Variants in TWNK observed in about 807,000 individuals in gnomAD.
TWNK encodes twinkle mtDNA helicase, also known as T7 gp4-like protein with intramitochondrial nucleoid localization.
Under a neutral mutation model 58.2 loss-of-function variants are expected in TWNK, and 36 were observed. The ratio of observed to expected loss-of-function variants is 0.62; its 90% CI spans 0.47 to 0.82. The LOEUF (loss-of-function observed/expected upper bound fraction) is 0.82. Ranked by LOEUF, TWNK falls within the 40% of genes least tolerant of loss-of-function variation. TWNK has a pLI of 0.00. For missense variants in TWNK, 714 were observed against 881.0 expected, an observed-to-expected ratio of 0.81 and a Z score of 2.40; for synonymous variants, 349 against 348.5, an observed-to-expected ratio of 1.00 and a Z score of -0.02.
Position 100,991,137 on chromosome 10 carries a change from G to C in TWNK, c.1734+127G>C, listed in dbSNP as rs905758131. ...AACAGGCAGGAGGCAATGCCTCTGGGGCCATGACATGAGGAATATATGTGC... is the reference window on the plus strand; with the variant it reads ...AACAGGCAGGAGGCAATGCCTCTGGCGCCATGACATGAGGAATATATGTGC... On this transcript the variant is annotated intron_variant, in intron 4 of 4. Transcript: ENST00000311916. 35 of 1,378,330 alleles carry C rather than the reference G, an allele frequency of 2.5e-5. No individual in the cohort carries two copies. In the Admixed American group the frequency reaches 6.8e-4, roughly 27 times the overall value. The allele number at this position is 1,378,330 out of a possible 1,614,324, so 85.4% of individuals were successfully genotyped here.
chr10:100,989,725 G>A lies in TWNK; in HGVS notation c.1325G>A (p.Gly442Asp). 6.2e-7 allele frequency: 1 copy of A among 1,614,198 alleles called. No homozygotes were observed. The highest frequency in any genetic ancestry group is 8.5e-7 in the Non-Finnish European group (1 of 1,180,038). Residue 442 changes from glycine to aspartate, a missense_variant, in exon 2 of 5, where the codon GGT becomes GAT. This residue lies in a region of TWNK where 302 missense variants were observed against 438.6 expected (regional missense o/e 0.69). Transcript: ENST00000311916. The surrounding 1 kb of genome is among the most constrained non-coding windows in gnomAD (Gnocchi z 7.6). Reference sequence around the variant, plus strand: ...TCCCAGGGGGTGAACACACTGTGGGGTAGCTTCGAGATCAGCAATGTGAGA... The same window carrying A: ...TCCCAGGGGGTGAACACACTGTGGGATAGCTTCGAGATCAGCAATGTGAGA... Reference protein sequence around the residue: ...LCSQGVNTLWGSFEISNVRLA... With the variant: ...LCSQGVNTLWDSFEISNVRLA...
chr10:100,993,079 C>G, intron 4 of TWNK, 111 bp from the exon 5 acceptor site: 1 of 1,167,228 alleles, frequency 8.6e-7, no homozygotes, highest in Non-Finnish European at 1.3e-6. Context: ...AGCCATTGTA[C>G]CCAGCCCCTC....
rs1202292107 is a variant in TWNK at position 100,989,848 on chromosome 10, T to A, written c.1448T>A (p.Leu483His). The change falls in exon 2 of 5, where the codon CTC becomes CAC. Residue 483 changes from leucine (L) to histidine (H), a missense_variant. Physicochemically the swap from Leu to His is moderately conservative, Grantham distance 99. Transcript: ENST00000311916. The surrounding 1 kb of genome is among the most constrained non-coding windows in gnomAD (Gnocchi z 7.6). ...HWADRFEDLP[L>H]YFMTFHGQQS... is the part of the protein sequence containing the mutation. Reference sequence around the variant, plus strand: ...GCTGACCGCTTTGAGGACCTGCCCCTCTATTTCATGACTTTCCATGGACAG... The same window carrying A: ...GCTGACCGCTTTGAGGACCTGCCCCACTATTTCATGACTTTCCATGGACAG... 3 of 1,614,190 alleles carry A rather than the reference T, an allele frequency of 1.9e-6. No homozygotes were observed. The highest frequency in any genetic ancestry group is 2.5e-6 in the Non-Finnish European group (3 of 1,180,028).
At chr10:100,991,703 C>A (rs1394540947) in intron 4 of TWNK, among the ~76,000 whole-genome samples, 1 of 152,040 alleles carries the variant, frequency 6.6e-6, no homozygotes, top group South Asian at 2.1e-4. Flanking sequence ...GTAGTGAGAC[C>A]CTGTCTCTAC....
chr10:100,992,822 T>C (rs964701826), intron 4 of TWNK, among the ~76,000 whole-genome samples: 5 of 152,034 alleles, frequency 3.3e-5, no homozygotes, highest in African/African-American at 1.2e-4. Flanking sequence ...AGTCTCGCTC[T>C]GTTGCCCAGG....
intron 4 of TWNK, among the ~76,000 whole-genome samples, chr10:100,991,900 G>A (rs1376891303): frequency 1.3e-5 from 2 of 151,148 alleles, no homozygotes; most frequent in Admixed American, 6.6e-5. Context: ...GGCACCTGTA[G>A]TCCCAGCTAC....
chr10:100,987,968 G>A lies in TWNK; in HGVS notation c.-243G>A, dbSNP rs924905255. On this transcript the variant is annotated 5_prime_UTR_variant, in exon 1 of 5. Transcript: ENST00000311916. ...GGTGGCGGAGAGAAACTAACTAACG[G>A]ACCATAGAGGTGGGGGAGCCATTGT... The A allele has an allele frequency of 1.6e-6, 1 of 631,982 alleles. No homozygotes were observed. Among genetic ancestry groups the A allele is most frequent in the Non-Finnish European group, 2.8e-6 (1 of 351,876 alleles). The allele number at this position is 631,982 out of a possible 1,614,324, so 39.1% of individuals were successfully genotyped here.
chr10:100,992,931 T>C (rs1240877908), intron 4 of TWNK, among the ~76,000 whole-genome samples: 15 of 152,034 alleles, frequency 9.9e-5, no homozygotes, highest in Admixed American at 9.8e-4. Flanking sequence ...GGACTATAGG[T>C]GCATGCCACC....
chr10:100,990,393 T>C (rs1851734995), intron 2 of TWNK, 43 bp from the exon 3 acceptor site: 1 of 1,452,602 alleles, frequency 6.9e-7, no homozygotes, highest in Non-Finnish European at 9.7e-7. Context: ...CCTGGGGTGG[T>C]CTAGAGACAA....
chr10:100,989,316 C>G lies in TWNK; in HGVS notation c.1106C>G (p.Ser369Cys), dbSNP rs111033579. ...CCTGCCTGGCACAAGTCCATCGTATCTTTCCGGCAGCTTCGGGAGGAGGTG... is the reference window on the plus strand; with the variant it reads ...CCTGCCTGGCACAAGTCCATCGTATGTTTCCGGCAGCTTCGGGAGGAGGTG... ...ALPAWHKSIVSFRQLREEVLG... is the reference protein window; with the variant it reads ...ALPAWHKSIVCFRQLREEVLG... Residue 369 changes from serine to cysteine, a missense_variant, in exon 1 of 5, where the codon TCT becomes TGT. By Grantham distance (112) the Ser-to-Cys change is moderately radical. This residue lies in a region of TWNK where 302 missense variants were observed against 438.6 expected (regional missense o/e 0.69). Coordinates refer to ENST00000311916, the MANE Select transcript of TWNK (RefSeq NM_021830.5). The surrounding 1 kb of genome is among the most constrained non-coding windows in gnomAD (Gnocchi z 7.6). 1 of 1,614,190 alleles carries G rather than the reference C, an allele frequency of 6.2e-7. No individual in the cohort carries two copies. Among genetic ancestry groups the G allele is most frequent in the South Asian group, 1.1e-5 (1 of 91,080 alleles).
chr10:100,992,375 G>A (rs762210445), intron 4 of TWNK, among the ~76,000 whole-genome samples: 1 of 149,440 alleles, frequency 6.7e-6, no homozygotes, highest in East Asian at 2.0e-4. Context: ...CACCACACCC[G>A]CCTAATTTTT....
Position 100,987,574 on chromosome 10 carries a change from G to A in TWNK, c.-637G>A, listed in dbSNP as rs1851599933. Reference sequence around the variant, plus strand: ...GAGGTCAAGGCGAGTAGCATGTGCGGGAGACTCACGTTGCCGGCGAAGTGG... The same window carrying A: ...GAGGTCAAGGCGAGTAGCATGTGCGAGAGACTCACGTTGCCGGCGAAGTGG... On this transcript the variant is annotated 5_prime_UTR_variant, in exon 1 of 5. Transcript: ENST00000311916. The A allele has an allele frequency of 2.2e-6, 3 of 1,347,828 alleles. No homozygotes were observed. In the Admixed American group the frequency reaches 8.1e-5, roughly 37 times the overall value. 83.5% of individuals were successfully genotyped at this position (1,347,828 alleles called of 1,614,324 possible).
At position 100,988,285 on chromosome 10, in the gene TWNK, G is replaced by A. The variant is rs140229023; in HGVS notation, c.75G>A (p.Arg25=). The change falls in exon 1 of 5, where the codon AGG becomes AGA. Residue 25 remains arginine (R), a synonymous_variant. Transcript: ENST00000311916. The surrounding 1 kb of genome is among the most constrained non-coding windows in gnomAD (Gnocchi z 5.2). The part of the protein sequence containing the change: ...LPLRGEWMGR[R]GLPRNLAPGP... ...TGCGTGGGGAGTGGATGGGTCGGAG[G>A]GGCCTGCCCCGAAACTTGGCCCCAG... 56 of 1,614,020 alleles carry A rather than the reference G, an allele frequency of 3.5e-5. 1 individual carries two copies. The highest frequency in any genetic ancestry group is 2.7e-4 in the East Asian group (12 of 44,892).
Position 100,988,121 on chromosome 10 carries a change from G to C in TWNK, c.-90G>C. 4 of 1,402,632 alleles carry C rather than the reference G, an allele frequency of 2.9e-6. No homozygotes were observed. Among genetic ancestry groups the C allele is most frequent in the Non-Finnish European group, 4.0e-6 (4 of 989,946 alleles). 86.9% of individuals were successfully genotyped at this position (1,402,632 alleles called of 1,614,324 possible). ...TAGAGTGAGCTCTGCAGAGTGCTGC[G>C]TGGGATATCCCTAGAGTTTGGTCTA... On this transcript the variant is annotated 5_prime_UTR_variant, in exon 1 of 5. Coordinates refer to ENST00000311916, the MANE Select transcript of TWNK (RefSeq NM_021830.5). This position sits in a 1 kb window ranked among gnomAD's most constrained non-coding sequence, Gnocchi z 5.2.
At position 100,993,470 on chromosome 10, in the gene TWNK, C is replaced by G. The variant is rs199583659; in HGVS notation, c.2015C>G (p.Pro672Arg). Reference sequence around the variant, plus strand: ...TCTGAGATTTGCTCAGGCCAGGCCCCCACTCCCGACCAGCCAGACACCTCC... The same window carrying G: ...TCTGAGATTTGCTCAGGCCAGGCCCGCACTCCCGACCAGCCAGACACCTCC... The part of the protein sequence containing the change: ...QNSEICSGQA[P>R]TPDQPDTSKR... The change falls in exon 5 of 5, where the codon CCC (proline) becomes CGC (arginine). Residue 672 changes from proline (P) to arginine (R), a missense_variant. Transcript: ENST00000311916. 303 of 1,614,072 alleles carry G rather than the reference C, an allele frequency of 1.9e-4. No individual in the cohort carries two copies. Among genetic ancestry groups the G allele is most frequent in the Non-Finnish European group, 2.3e-4 (271 of 1,180,048 alleles).
chr10:100,991,318 T>A (rs763981284), intron 4 of TWNK: 2 of 435,710 alleles, frequency 4.6e-6, no homozygotes, highest in Non-Finnish European at 8.4e-6. Context: ...AGAAAAGATG[T>A]CTGAGTCAGC....
At position 100,993,187 on chromosome 10, in the gene TWNK, C is replaced by T. The variant is rs1564811378; in HGVS notation, c.1735-3C>T. The T allele has an allele frequency of 6.2e-7, 1 of 1,614,138 alleles. No individual in the cohort carries two copies. On this transcript the variant is annotated splice_polypyrimidine_tract_variant and splice_region_variant and intron_variant, in intron 4 of 4. Coordinates refer to ENST00000311916, the MANE Select transcript of TWNK (RefSeq NM_021830.5). ...TTTCCTCCTTCTGCCCCCTGTTCCC[C>T]AGGCAAGCCAGGAAGCAGACAATGT...
chr10:100,987,804 G>A lies in TWNK; in HGVS notation c.-407G>A. 1.7e-6 allele frequency: 1 copy of A among 588,112 alleles called. No homozygotes were observed. Among genetic ancestry groups the A allele is most frequent in the South Asian group, 2.1e-5 (1 of 46,714 alleles). The allele number at this position is 588,112 out of a possible 1,614,324, so 36.4% of individuals were successfully genotyped here. On this transcript the variant is annotated 5_prime_UTR_variant, in exon 1 of 5. Transcript: ENST00000311916. ...AGAGGGTCTCTAGTCGGGGCCTAGG[G>A]CAAAGGGACTACAAAAAGGATGCAG... is the stretch of plus-strand genomic sequence containing the variant.
At position 100,990,512 on chromosome 10, in the gene TWNK, A is replaced by T. The variant is rs1313100282; in HGVS notation, c.1561A>T (p.Met521Leu). 1 of 1,614,216 alleles carries T rather than the reference A, an allele frequency of 6.2e-7. No homozygotes were observed. Among genetic ancestry groups the T allele is most frequent in the Non-Finnish European group, 8.5e-7 (1 of 1,180,026 alleles). The change falls in exon 3 of 5, where the codon ATG becomes TTG. Residue 521 changes from methionine (M) to leucine (L), a missense_variant. Physicochemically the swap from Met to Leu is conservative, Grantham distance 15 (BLOSUM62 2). Transcript: ENST00000311916. Reference sequence around the variant, plus strand: ...TGTGATCATCGACAACCTGCAGTTCATGATGGGTCACGAGCAGCTGTCCAC... The same window carrying T: ...TGTGATCATCGACAACCTGCAGTTCTTGATGGGTCACGAGCAGCTGTCCAC... ...CHVIIDNLQF[M>L]MGHEQLSTDR...
Sources: allele counts gnomAD v4.1 joint callset (sites outside exome capture counted in the v4.1 genomes callset), GRCh38; gene constraint gnomAD v4.1.1; regional missense constraint gnomAD v4.1.1; non-coding constraint Gnocchi (gnomAD v3.1); transcripts MANE v1.5; gene names NCBI Gene and HGNC (gene_info 2026-07-23, HGNC 2026-07-21).